The following TMTC2 variants were observed in gnomAD, a reference collection of about 807,000 sequenced individuals.
TMTC2 encodes transmembrane O-mannosyltransferase targeting cadherins 2, also known as protein O-mannosyl-transferase TMTC2.
A neutral mutation model predicts 82.4 loss-of-function variants in TMTC2; 43 were observed. That is an observed-to-expected ratio of 0.52 (90% confidence interval 0.41 to 0.67). The LOEUF is 0.67. Ranked by LOEUF, TMTC2 falls within the 30% of genes least tolerant of loss-of-function variation. The pLI is 0.00. For missense variants in TMTC2, 919 were observed against 1,012.4 expected (o/e 0.91, Z 1.25); for synonymous variants, 408 against 381.9 (o/e 1.07, Z -0.80).
intron 4 of TMTC2, among the ~76,000 whole-genome samples, chr12:82,963,189 G>C (rs1053950978): frequency 6.6e-6 from 1 of 151,906 alleles, no homozygotes; most frequent in African/African-American, 2.4e-5. Context: ...AGGGAAGAAC[G>C]ATCATAAGCA....
At chr12:82,843,688 C>T (rs1324792068) in intron 1 of TMTC2, among the ~76,000 whole-genome samples, 1 of 152,096 alleles carries the variant, frequency 6.6e-6, no homozygotes, top group Non-Finnish European at 1.5e-5. Flanking sequence ...TGGCTCACAC[C>T]TGTAATCCCA....
At chr12:82,931,238 A>G (rs559463373) in intron 4 of TMTC2, among the ~76,000 whole-genome samples, 3 of 149,608 alleles carry the variant, frequency 2.0e-5, no homozygotes, top group African/African-American at 7.5e-5. Context: ...TTTGTCTTCC[A>G]TTAAAAAAAA....
At chr12:83,110,864 A>C (rs1463452240) in intron 11 of TMTC2, among the ~76,000 whole-genome samples, 1 of 152,188 alleles carries the variant, frequency 6.6e-6, no homozygotes, top group Admixed American at 6.5e-5. Context: ...GATGACTTTC[A>C]GTTTTATCTC....
At chr12:82,761,570 C>T (rs79300346) in intron 1 of TMTC2, among the ~76,000 whole-genome samples, 5 of 152,198 alleles carry the variant, frequency 3.3e-5, no homozygotes, top group African/African-American at 4.8e-5. Flanking sequence ...ACTCACATTT[C>T]TCTTAGCCAC....
Position 82,735,349 on chromosome 12 carries a change from A to ATT in TMTC2, c.83+47693_83+47694dup, listed in dbSNP as rs66550396. 2.4e-3 allele frequency among the ~76,000 whole-genome samples: 352 copies of ATT among 143,790 alleles called. 1 individual carries two copies. The highest frequency in any genetic ancestry group is 7.3e-3 in the East Asian group (35 of 4,810). The allele number at this position is 143,790 out of a possible 152,430, so 94.3% of individuals were successfully genotyped here. A position where few individuals can be genotyped will look rare whatever the true frequency, so the allele number is the denominator to read the frequency against. On this transcript the variant is annotated intron_variant, in intron 1 of 11. Transcript: ENST00000321196. Reference sequence around the variant, plus strand: ...TTAACAGTTTTATACATTAATTTTGATTTTTTTTTTTTTTGAGACAGAGTC... The same window carrying ATT: ...TTAACAGTTTTATACATTAATTTTGATTTTTTTTTTTTTTTTGAGACAGAGTC...
intron 1 of TMTC2, among the ~76,000 whole-genome samples, chr12:82,712,325 G>T (rs966307515): frequency 6.6e-6 from 1 of 152,024 alleles, no homozygotes; most frequent in African/African-American, 2.4e-5. Context: ...AGCTACTCGG[G>T]AGGCTGAGGT....
chr12:82,938,085 T>A (rs1163297633), intron 4 of TMTC2, among the ~76,000 whole-genome samples: 3 of 151,698 alleles, frequency 2.0e-5, no homozygotes, highest in African/African-American at 7.3e-5. Context: ...GGCTAATTTT[T>A]GTATTTTTAG....
chr12:82,970,482 C>T lies in TMTC2; in HGVS notation c.1948+3485C>T, dbSNP rs922305859. ...GAGTAGCTGGGACTACAGGCGCCCG[C>T]CACCGCGCCCGGCTAATTTTTTTTG... On this transcript the variant is annotated intron_variant, in intron 7 of 11. Transcript: ENST00000321196. Among the ~76,000 whole-genome samples the T allele has an allele frequency of 1.4e-5, 2 of 147,934 alleles. 1 individual carries two copies. The highest frequency in any genetic ancestry group is 3.0e-5 in the Non-Finnish European group (2 of 67,194).
At chr12:83,021,048 T>C (rs1880894601) in intron 8 of TMTC2, among the ~76,000 whole-genome samples, 1 of 152,186 alleles carries the variant, frequency 6.6e-6, no homozygotes, top group African/African-American at 2.4e-5. Flanking sequence ...TTATTTAAAA[T>C]GGTCCTGTAT....
intron 1 of TMTC2, among the ~76,000 whole-genome samples, chr12:82,809,445 G>A (rs920208221): frequency 3.3e-5 from 5 of 152,088 alleles, no homozygotes; most frequent in African/African-American, 1.2e-4. Context: ...TAGGGTAAAG[G>A]AGACAGTTGT....
intron 9 of TMTC2, among the ~76,000 whole-genome samples, chr12:83,047,629 G>A (rs372203348): frequency 6.6e-6 from 1 of 152,122 alleles, no homozygotes; most frequent in Non-Finnish European, 1.5e-5. Flanking sequence ...CTGATGTGTT[G>A]TGATATTGTT....
chr12:82,917,704 C>A (rs1875085560), intron 3 of TMTC2, among the ~76,000 whole-genome samples: 1 of 150,256 alleles, frequency 6.7e-6, no homozygotes, highest in Admixed American at 6.6e-5. Flanking sequence ...AGGGTTCATG[C>A]CATTCTCCTG....
At chr12:82,964,891 T>C in intron 4 of TMTC2, 133 bp from the exon 5 acceptor site, 1 of 515,826 alleles carries the variant, frequency 1.9e-6, no homozygotes, top group Non-Finnish European at 3.4e-6. Flanking sequence ...ATTTAGAATT[T>C]ATTTTTATAT....
At chr12:82,906,671 A>G (rs1259579004) in intron 3 of TMTC2, among the ~76,000 whole-genome samples, 1 of 152,172 alleles carries the variant, frequency 6.6e-6, no homozygotes, top group African/African-American at 2.4e-5. Context: ...CCTGGGGGAC[A>G]AGAGCAAGAC....
intron 1 of TMTC2, among the ~76,000 whole-genome samples, chr12:82,691,479 T>C (rs1334734749): frequency 6.6e-6 from 1 of 152,192 alleles, no homozygotes; most frequent in East Asian, 1.9e-4. Flanking sequence ...GTTAATTTTT[T>C]CTTTATAATG....
At chr12:82,829,601 A>T (rs1592556547) in intron 1 of TMTC2, among the ~76,000 whole-genome samples, 1 of 152,344 alleles carries the variant, frequency 6.6e-6, no homozygotes, top group East Asian at 1.9e-4. Flanking sequence ...GTACCAATAA[A>T]CATGCTATTA....
intron 11 of TMTC2, among the ~76,000 whole-genome samples, chr12:83,083,753 C>T (rs1259213960): frequency 6.6e-6 from 1 of 152,118 alleles, no homozygotes; most frequent in African/African-American, 2.4e-5. Context: ...CTCCACTCCC[C>T]TCAATAAAAC....
At chr12:82,828,292 CA>C (rs1489333541) in intron 1 of TMTC2, among the ~76,000 whole-genome samples, 5 of 149,838 alleles carry the variant, frequency 3.3e-5, no homozygotes, top group Non-Finnish European at 5.9e-5. Flanking sequence ...CGGCTCACTG[CA>C]ACCTCTGCCT....
chr12:82,862,856 G>A (rs1871619148), intron 2 of TMTC2, among the ~76,000 whole-genome samples: 1 of 152,046 alleles, frequency 6.6e-6, no homozygotes, highest in Non-Finnish European at 1.5e-5. Flanking sequence ...TTTATAGTAG[G>A]GTTTATCTTG....
Sources: gnomAD v4.1 joint callset for allele counts (sites outside exome capture counted in the v4.1 genomes callset) on GRCh38, gnomAD v4.1.1 for gene constraint, MANE v1.5 for transcripts, NCBI Gene and HGNC (gene_info 2026-07-23, HGNC 2026-07-21) for gene names.